Variants in RNF31 observed in about 807,000 individuals in gnomAD.
RNF31 encodes ring finger protein 31.
RNF31 carries 38 observed loss-of-function variants against 133.6 expected under a neutral mutation model. The ratio of observed to expected loss-of-function variants is 0.28; its 90% CI spans 0.22 to 0.37. The LOEUF is 0.37. RNF31 is among the 10% of genes least tolerant of loss of function. The pLI is 1.00. For synonymous variants in RNF31, 582 were observed against 552.3 expected (o/e 1.05, Z -0.75); for missense variants, 1,118 against 1,394.1 (o/e 0.80, Z 3.15).
In RNF31 at chr14:24,151,026, C is replaced by T; in HGVS notation, c.1489-105C>T. On this transcript the variant is annotated intron_variant, in intron 8 of 20. Transcript: ENST00000324103. The surrounding 1 kb of genome is among the most constrained non-coding windows in gnomAD (Gnocchi z 5.3). ...CTGAGGCAGTTACCATTGCTGTACACTGATGACATGATCCATATGTCTGAG... is the reference window on the plus strand; with the variant it reads ...CTGAGGCAGTTACCATTGCTGTACATTGATGACATGATCCATATGTCTGAG... 6.5e-7 allele frequency: 1 copy of T among 1,548,460 alleles called. No individual in the cohort carries two copies. Among genetic ancestry groups the T allele is most frequent in the South Asian group, 1.2e-5 (1 of 82,350 alleles).
At position 24,148,342 on chromosome 14, in the gene RNF31, G is replaced by A. The variant is rs1033266593; in HGVS notation, c.424G>A (p.Asp142Asn). 2 of 1,614,230 alleles carry A rather than the reference G, an allele frequency of 1.2e-6. No homozygotes were observed. The highest frequency in any genetic ancestry group is 1.7e-5 in the Admixed American group (1 of 60,032). The part of the protein sequence containing the change: ...LSFPEGQEEP[D>N]EHQVATVTLE... ...CTTCCCCGAAGGGCAGGAGGAGCCA[G>A]ATGAGCACCAGGTTGCTACAGTCAC... Residue 142 changes from aspartate to asparagine, a missense_variant, in exon 3 of 21, where the codon GAT becomes AAT. Around this residue, in one of 3 missense-constraint regions of RNF31, gnomAD observed 747 missense variants for 827.9 expected, o/e 0.90. Coordinates refer to ENST00000324103, the MANE Select transcript of RNF31 (RefSeq NM_017999.5).
intron 11 of RNF31, among the ~76,000 whole-genome samples, chr14:24,152,340 A>G (rs969989457): frequency 6.6e-6 from 1 of 152,228 alleles, no homozygotes; most frequent in African/African-American, 2.4e-5. Context: ...ACAGATGGCT[A>G]TTATGATATC....
At chr14:24,150,948 G>A in intron 8 of RNF31, 60 bp downstream of exon 8, 2 of 1,524,520 alleles carry the variant, frequency 1.3e-6, no homozygotes, top group South Asian at 2.6e-5. Flanking sequence ...AGATGCTGCA[G>A]GTGGTTAATA....
Position 24,157,286 on chromosome 14 carries a change from G to T in RNF31, c.2494-4G>T. 2.5e-6 allele frequency: 4 copies of T among 1,595,034 alleles called. No homozygotes were observed. Among genetic ancestry groups the T allele is most frequent in the Non-Finnish European group, 2.6e-6 (3 of 1,166,742 alleles). ...CCATGTGAAGCCTACTTTCCCTCTG[G>T]CAGTGGGAGGAGCAGCACCGAGGTC... On this transcript the variant is annotated splice_region_variant and splice_polypyrimidine_tract_variant and intron_variant, in intron 14 of 20. Transcript: ENST00000324103.
At chr14:24,154,562 G>C (rs2038314826) in intron 11 of RNF31, among the ~76,000 whole-genome samples, 1 of 152,212 alleles carries the variant, frequency 6.6e-6, no homozygotes, top group South Asian at 2.1e-4. Context: ...ACAGGTGTGA[G>C]CCAGCGTGCC....
In RNF31 at chr14:24,160,367, C is replaced by T. The variant is rs1275839100; in HGVS notation, c.3125C>T (p.Ala1042Val). Residue 1042 changes from alanine to valine, a missense_variant, in exon 20 of 21, where the codon GCT becomes GTT. This residue lies in a region of RNF31 where 170 missense variants were observed against 194.5 expected (regional missense o/e 0.87). Coordinates refer to ENST00000324103, the MANE Select transcript of RNF31 (RefSeq NM_017999.5). This position sits in a 1 kb window ranked among gnomAD's most constrained non-coding sequence, Gnocchi z 4.0. ...RYLHVRPQPL[A>V]GEDPPAYQAR... ...CTGCACGTACGCCCCCAGCCTTTGG[C>T]TGGAGAGGATCCCCCTGCTTACCAG... 6.2e-7 allele frequency: 1 copy of T among 1,614,064 alleles called. No homozygotes were observed. The highest frequency in any genetic ancestry group is 1.3e-5 in the African/African-American group (1 of 74,928).
rs796407466 is a variant in RNF31, at chr14:24,157,296, G to A, written c.2500G>A (p.Glu834Lys). 6 of 1,605,006 alleles carry A rather than the reference G, an allele frequency of 3.7e-6. No individual in the cohort carries two copies. In the African/African-American group the frequency reaches 4.0e-5, roughly 11 times the overall value. Residue 834 changes from glutamate to lysine, a missense_variant, in exon 15 of 21, where the codon GAG becomes AAG. Physicochemically the swap from Glu to Lys is moderately conservative, Grantham distance 56. Transcript: ENST00000324103. ...CCTACTTTCCCTCTGGCAGTGGGAG[G>A]AGCAGCACCGAGGTCGGAGCTGTGA... The part of the protein sequence containing the change: ...FCVRCKRQWE[E>K]QHRGRSCEDF...
chr14:24,150,472 A>G (rs781684068), intron 7 of RNF31, 24 bp downstream of exon 7: 1 of 1,594,368 alleles, frequency 6.3e-7, no homozygotes, highest in Non-Finnish European at 8.6e-7. Context: ...CCAGCTCTTT[A>G]TCGTGTGTTA....
Position 24,147,751 on chromosome 14 carries a change from C to T in RNF31, c.53C>T (p.Ala18Val). ...RAFLVAREEL[A>V]SALRRDSGQA... ...TTCCTGGTGGCCCGCGAGGAGCTGG[C>T]GAGCGCCCTGAGGAGGGATTCCGGG... Residue 18 changes from alanine (A) to valine (V), a missense_variant, in exon 1 of 21, where the codon GCG (alanine) becomes GTG (valine). Ala to Val is a moderately conservative substitution (Grantham distance 64). Around this residue, in one of 3 missense-constraint regions of RNF31, gnomAD observed 747 missense variants for 827.9 expected, o/e 0.90. Coordinates refer to ENST00000324103, the MANE Select transcript of RNF31 (RefSeq NM_017999.5). 1 of 1,564,898 alleles carries T rather than the reference C, an allele frequency of 6.4e-7. No homozygotes were observed. The highest frequency in any genetic ancestry group is 8.6e-7 in the Non-Finnish European group (1 of 1,159,426).
upstream of RNF31, chr14:24,147,479 C>G: frequency 2.5e-6 from 1 of 399,070 alleles, no homozygotes; most frequent in Non-Finnish European, 4.4e-6. Flanking sequence ...GAAATTGGGT[C>G]GCAGTCCCAC....
rs1317307377 is a variant in RNF31 at position 24,151,983 on chromosome 14, C to T, written c.2121C>T (p.Pro707=). ...GTGCCGTGTGTGGCTGGGCCCTGCC[C>T]CACAACCGGGTAAGTCCCTCCCCAC... is the stretch of plus-strand genomic sequence containing the variant. ...QECAVCGWAL[P]HNRMQALTSC... The change falls in exon 11 of 21, where the codon CCC becomes CCT. Residue 707 remains proline, a synonymous_variant. Coordinates refer to ENST00000324103, the MANE Select transcript of RNF31 (RefSeq NM_017999.5). This position sits in a 1 kb window ranked among gnomAD's most constrained non-coding sequence, Gnocchi z 5.3. 6.2e-7 allele frequency: 1 copy of T among 1,613,870 alleles called. No homozygotes were observed. Among genetic ancestry groups the T allele is most frequent in the South Asian group, 1.1e-5 (1 of 91,068 alleles).
At position 24,160,625 on chromosome 14, in the gene RNF31, G is replaced by T. The variant is rs2038434550; in HGVS notation, c.*52G>T. 7.3e-7 allele frequency: 1 copy of T among 1,363,030 alleles called. No individual in the cohort carries two copies. The allele number at this position is 1,363,030 out of a possible 1,614,324, so 84.4% of individuals were successfully genotyped here. On this transcript the variant is annotated 3_prime_UTR_variant, in exon 21 of 21. Coordinates refer to ENST00000324103, the MANE Select transcript of RNF31 (RefSeq NM_017999.5). The surrounding 1 kb of genome is among the most constrained non-coding windows in gnomAD (Gnocchi z 4.0). ...CCCATGGCCTGCTCCCTCAGGAACA[G>T]CTCCAGCACCAATAAAGAGGCATCT...
In RNF31 at chr14:24,151,499, G is replaced by A; in HGVS notation, c.1752G>A (p.Gln584=). ...CCATCTTGCAGGTGCAGGAGCTCCA[G>A]TCTCTAGGCTTTGGGCCTGAGGAGG... ...RTRRRKVQEL[Q]SLGFGPEEGS... The change falls in exon 10 of 21, where the codon CAG becomes CAA. Residue 584 remains glutamine, a synonymous_variant. Transcript: ENST00000324103. This position sits in a 1 kb window ranked among gnomAD's most constrained non-coding sequence, Gnocchi z 5.3. 2 of 1,614,222 alleles carry A rather than the reference G, an allele frequency of 1.2e-6. No individual in the cohort carries two copies. The highest frequency in any genetic ancestry group is 1.7e-6 in the Non-Finnish European group (2 of 1,180,028).
rs1330477976 is a variant in RNF31 at position 24,157,439 on chromosome 14, G to T, written c.2608+35G>T. On this transcript the variant is annotated intron_variant, in intron 15 of 20. Coordinates refer to ENST00000324103, the MANE Select transcript of RNF31 (RefSeq NM_017999.5). ...CCCTACTCGGCCTGTTTGCTCAGAA[G>T]CCTGTCATTGCCAGCAGCTCTCTTC... 2.5e-6 allele frequency: 4 copies of T among 1,602,748 alleles called. No individual in the cohort carries two copies. In the South Asian group the frequency reaches 4.4e-5, roughly 18 times the overall value.
chr14:24,153,354 G>T (rs1460203158), intron 11 of RNF31, among the ~76,000 whole-genome samples: 1 of 152,064 alleles, frequency 6.6e-6, no homozygotes, highest in Non-Finnish European at 1.5e-5. Flanking sequence ...CAACGTGGGT[G>T]GATCACGAGG....
At position 24,151,359 on chromosome 14, in the gene RNF31, G is replaced by A. The variant is rs200349131; in HGVS notation, c.1717G>A (p.Val573Met). Residue 573 changes from valine to methionine, a missense_variant, in exon 9 of 21, where the codon GTG (valine) becomes ATG (methionine). Val to Met is a conservative substitution (Grantham distance 21). Coordinates refer to ENST00000324103, the MANE Select transcript of RNF31 (RefSeq NM_017999.5). This position sits in a 1 kb window ranked among gnomAD's most constrained non-coding sequence, Gnocchi z 5.3. Reference sequence around the variant, plus strand: ...CCTTGATGAAGCTGTGGAGGAGTGTGTGAGGACCAGGCGAAGGAAGGTATC... The same window carrying A: ...CCTTGATGAAGCTGTGGAGGAGTGTATGAGGACCAGGCGAAGGAAGGTATC... ...GNLDEAVEEC[V>M]RTRRRKVQEL... The A allele has an allele frequency of 7.4e-6, 12 of 1,614,114 alleles. No individual in the cohort carries two copies. The highest frequency in any genetic ancestry group is 1.6e-4 in the Middle Eastern group (1 of 6,084).
intron 14 of RNF31, among the ~76,000 whole-genome samples, chr14:24,156,055 G>A (rs1594381407): frequency 6.6e-6 from 1 of 152,148 alleles, no homozygotes; most frequent in African/African-American, 2.4e-5. Flanking sequence ...TTTAAGCTCA[G>A]GCCTAAACAT....
In RNF31 at chr14:24,150,210, G is replaced by C. The variant is rs776073217; in HGVS notation, c.959G>C (p.Cys320Ser). The C allele has an allele frequency of 9.9e-6, 16 of 1,614,094 alleles. No individual in the cohort carries two copies. The highest frequency in any genetic ancestry group is 5.5e-5 in the South Asian group (5 of 91,092). Residue 320 changes from cysteine (C) to serine (S), a missense_variant, in exon 7 of 21, where the codon TGT (cysteine) becomes TCT (serine). This residue lies in a region of RNF31 where 747 missense variants were observed against 827.9 expected (regional missense o/e 0.90). Transcript: ENST00000324103. ...AMLNEPWAVL[C>S]VACDRPRGCK... ...CTAAATGAGCCTTGGGCAGTGCTCT[G>C]TGTGGCCTGTGATCGGCCCCGAGGC...
At chr14:24,149,934 C>A (rs182098129) in intron 6 of RNF31, 127 bp from the exon 7 acceptor site, 11 of 1,171,298 alleles carry the variant, frequency 9.4e-6, no homozygotes, top group Admixed American at 2.4e-5. Context: ...TAGGAGTATT[C>A]GAGACAGACA....
Sources: gnomAD v4.1 joint callset for allele counts (sites outside exome capture counted in the v4.1 genomes callset) on GRCh38, gnomAD v4.1.1 for gene constraint, gnomAD v4.1.1 regional missense constraint, Gnocchi (gnomAD v3.1) non-coding constraint, MANE v1.5 for transcripts, NCBI Gene and HGNC (gene_info 2026-07-23, HGNC 2026-07-21) for gene names.